PSMG2: variants seen among roughly 807,000 people sequenced by gnomAD.
PSMG2 encodes CD40 ligand-activated specific transcript 3.
A neutral mutation model predicts 31.5 loss-of-function variants in PSMG2; 21 were observed. That is an observed-to-expected ratio of 0.67 (90% confidence interval 0.47 to 0.96). The LOEUF is 0.96. Among genes scored for constraint, PSMG2 ranks in the 40% least tolerant of loss-of-function variants. The probability of loss-of-function intolerance (pLI) is 0.00; values close to 1 mark genes in which losing one functional copy is unlikely to be tolerated. For missense variants in PSMG2, 318 were observed against 321.2 expected (o/e 0.99, Z 0.08); for synonymous variants, 120 against 110.4 (o/e 1.09, Z -0.54).
intron 1 of PSMG2, among the ~76,000 whole-genome samples, chr18:12,703,759 TAATTGGGAGGGGAGGG>T (rs2040228535): frequency 6.6e-6 from 1 of 152,070 alleles, no homozygotes; most frequent in African/African-American, 2.4e-5. Context: ...GGTCCTGAGA[TAATTGGGAGGGGAGGG>T]ACAGATGGCT....
At chr18:12,715,938 C>T (rs1415977180) in intron 3 of PSMG2, among the ~76,000 whole-genome samples, 1 of 152,216 alleles carries the variant, frequency 6.6e-6, no homozygotes, top group Non-Finnish European at 1.5e-5. Context: ...AGAGCATTGT[C>T]AGCATTCCAG....
At chr18:12,724,381 T>G (rs2040456459) in intron 5 of PSMG2, 118 bp from the exon 6 acceptor site, 4 of 996,956 alleles carry the variant, frequency 4.0e-6, no homozygotes. Context: ...GATCTTATGG[T>G]GTGGCGTCTT....
At chr18:12,699,014 T>C (rs1443082666), upstream of PSMG2, 1 of 1,613,642 alleles carries the variant, frequency 6.2e-7, no homozygotes, top group African/African-American at 1.3e-5. Flanking sequence ...TAAAAAGCCA[T>C]CATGAAAATC....
chr18:12,722,089 C>T (rs905270959), intron 5 of PSMG2, among the ~76,000 whole-genome samples: 1 of 152,166 alleles, frequency 6.6e-6, no homozygotes, highest in Non-Finnish European at 1.5e-5. Flanking sequence ...AAGGAAGTTG[C>T]GTCTGCACTC....
intron 3 of PSMG2, among the ~76,000 whole-genome samples, chr18:12,714,704 A>G (rs1170161420): frequency 6.6e-6 from 1 of 151,712 alleles, no homozygotes; most frequent in Non-Finnish European, 1.5e-5. Context: ...CATGTTGCCC[A>G]GGCTGGTCTT....
intron 1 of PSMG2, among the ~76,000 whole-genome samples, chr18:12,660,778 C>CA (rs1445722617): frequency 1.3e-5 from 2 of 151,580 alleles, no homozygotes; most frequent in African/African-American, 4.9e-5. Context: ...TGCCAAGTAA[C>CA]AATTCATGGT....
upstream of PSMG2, chr18:12,699,939 T>A: frequency 7.2e-7 from 1 of 1,385,110 alleles, no homozygotes; most frequent in Non-Finnish European, 9.9e-7. Context: ...CAAAACAAAT[T>A]AGAAAACAAT....
rs149125821 is a variant in PSMG2, at chr18:12,707,957, C to G, written c.229+1236C>G. 4.0e-3 allele frequency among the ~76,000 whole-genome samples: 612 copies of G among 152,208 alleles called. 1 individual carries two copies. The highest frequency in any genetic ancestry group is 7.2e-3 in the Non-Finnish European group (489 of 68,018). On this transcript the variant is annotated intron_variant, in intron 2 of 6. Transcript: ENST00000317615. Reference sequence around the variant, plus strand: ...CGCAAGACTAAATTTGAGTTACTGCCTCAGAGGATAAAGGACTATAAATGG... The same window carrying G: ...CGCAAGACTAAATTTGAGTTACTGCGTCAGAGGATAAAGGACTATAAATGG...
intron 1 of PSMG2, among the ~76,000 whole-genome samples, chr18:12,703,874 A>T (rs551811203): frequency 6.6e-6 from 1 of 152,292 alleles, no homozygotes; most frequent in Non-Finnish European, 1.5e-5. Context: ...TTTCAGAAAG[A>T]TGGATGTCTA....
chr18:12,664,272 G>C (rs1313009896), intron 1 of PSMG2, among the ~76,000 whole-genome samples: 1 of 152,100 alleles, frequency 6.6e-6, no homozygotes, highest in African/African-American at 2.4e-5. Context: ...GGCCGGGCAT[G>C]GTGGCTCACA....
intron 1 of PSMG2, among the ~76,000 whole-genome samples, chr18:12,663,810 G>A (rs746826959): frequency 7.2e-5 from 11 of 152,098 alleles, no homozygotes; most frequent in Non-Finnish European, 1.2e-4. Context: ...CTGCTGCCCA[G>A]GCTGGATGGA....
At chr18:12,664,581 C>T (rs1332232708) in intron 1 of PSMG2, among the ~76,000 whole-genome samples, 2 of 151,894 alleles carry the variant, frequency 1.3e-5, no homozygotes, top group African/African-American at 2.4e-5. Flanking sequence ...GAAGGGGTCT[C>T]GGTCTGCTGC....
intron 3 of PSMG2, among the ~76,000 whole-genome samples, chr18:12,716,112 T>G (rs563043317): frequency 6.6e-6 from 1 of 152,238 alleles, no homozygotes; most frequent in Admixed American, 6.5e-5. Flanking sequence ...TGTTAAGTTG[T>G]ATACATAAGC....
chr18:12,721,719 A>G (rs192218362), intron 5 of PSMG2, among the ~76,000 whole-genome samples: 35 of 150,910 alleles, frequency 2.3e-4, no homozygotes, highest in African/African-American at 4.1e-4. Flanking sequence ...CTATTATTCT[A>G]TTATTCTCTA....
intron 2 of PSMG2, among the ~76,000 whole-genome samples, chr18:12,707,341 T>C (rs1330320154): frequency 6.6e-6 from 1 of 152,200 alleles, no homozygotes; most frequent in African/African-American, 2.4e-5. Context: ...TTTTATCTCC[T>C]GTTCTTACTG....
At position 12,725,574 on chromosome 18, in the gene PSMG2, C is replaced by G. The variant is rs746675667; in HGVS notation, c.*43C>G. On this transcript the variant is annotated 3_prime_UTR_variant, in exon 7 of 7. Coordinates refer to ENST00000317615, the MANE Select transcript of PSMG2 (RefSeq NM_020232.5). Reference sequence around the variant, plus strand: ...ACCTTATACCCAAAACACTTACTACCAACACAGCTGTTAAACATTCTATAC... The same window carrying G: ...ACCTTATACCCAAAACACTTACTACGAACACAGCTGTTAAACATTCTATAC... 7.8e-6 allele frequency: 11 copies of G among 1,414,968 alleles called. No homozygotes were observed. The highest frequency in any genetic ancestry group is 3.9e-6 in the Non-Finnish European group (4 of 1,013,148). 87.7% of individuals were successfully genotyped at this position (1,414,968 alleles called of 1,614,324 possible). A position where few individuals can be genotyped will look rare whatever the true frequency, so the allele number is the denominator to read the frequency against.
chr18:12,710,655 C>G lies in PSMG2; in HGVS notation c.230-2047C>G, dbSNP rs147998651. On this transcript the variant is annotated intron_variant, in intron 2 of 6. Transcript: ENST00000317615. ...TTGTCACTTGGCTTGTTGTTCTAGC[C>G]CCTGTGTTTTCTGTAACTGGAGTTA... Among the ~76,000 whole-genome samples the G allele has an allele frequency of 1.8e-3, 276 of 152,162 alleles. 1 individual carries two copies. The highest frequency in any genetic ancestry group is 6.4e-3 in the African/African-American group (267 of 41,482).
chr18:12,711,329 T>G (rs1363743072), intron 2 of PSMG2, among the ~76,000 whole-genome samples: 1 of 152,038 alleles, frequency 6.6e-6, no homozygotes, highest in Non-Finnish European at 1.5e-5. Context: ...ACCGAAGAAG[T>G]GGTAGCTTAC....
intron 2 of PSMG2, among the ~76,000 whole-genome samples, chr18:12,712,439 A>ATTCTTTT (rs2040340622): frequency 6.6e-6 from 1 of 152,224 alleles, no homozygotes; most frequent in Admixed American, 6.5e-5. Context: ...TTGCAGTTAA[A>ATTCTTTT]GTCAAAAGAA....
Sources: allele counts gnomAD v4.1 joint callset (sites outside exome capture counted in the v4.1 genomes callset), GRCh38; gene constraint gnomAD v4.1.1; transcripts MANE v1.5; gene names NCBI Gene and HGNC (gene_info 2026-07-23, HGNC 2026-07-21).